RCAN2: variants seen among roughly 807,000 people sequenced by gnomAD.
The protein encoded by RCAN2 is regulator of calcineurin 2.
In RCAN2, 9 loss-of-function variants were observed where a neutral mutation model predicts 23.6. The ratio of observed to expected loss-of-function variants is 0.38; its 90% CI spans 0.23 to 0.67. RCAN2 has a LOEUF of 0.67. RCAN2 is among the 30% of genes least tolerant of loss of function. The pLI is 0.51. For missense variants in RCAN2, 273 were observed against 302.3 expected (o/e 0.90, Z 0.72); for synonymous variants, 109 against 115.7 (o/e 0.94, Z 0.37).
intron 1 of RCAN2, among the ~76,000 whole-genome samples, chr6:46,479,146 A>T (rs1257442405): frequency 6.6e-6 from 1 of 152,178 alleles, no homozygotes; most frequent in African/African-American, 2.4e-5. Context: ...GGCAGGCCAG[A>T]CCCCTGATGG....
chr6:46,293,905 A>C (rs1168925810), intron 2 of RCAN2, among the ~76,000 whole-genome samples: 1 of 152,212 alleles, frequency 6.6e-6, no homozygotes, highest in Non-Finnish European at 1.5e-5. Flanking sequence ...AAAATAGAGC[A>C]TGTTGCAAAA....
chr6:46,260,893 C>T (rs945298454), intron 2 of RCAN2, among the ~76,000 whole-genome samples: 1 of 152,214 alleles, frequency 6.6e-6, no homozygotes, highest in Non-Finnish European at 1.5e-5. Context: ...GAATACAGAT[C>T]TCTGTTACAT....
At chr6:46,343,108 A>C (rs1177892396) in intron 2 of RCAN2, among the ~76,000 whole-genome samples, 2 of 152,160 alleles carry the variant, frequency 1.3e-5, no homozygotes, top group Non-Finnish European at 2.9e-5. Flanking sequence ...ATAAACTCCT[A>C]AAATTCTAAA....
intron 2 of RCAN2, among the ~76,000 whole-genome samples, chr6:46,412,957 A>C (rs1441336483): frequency 2.0e-5 from 3 of 152,214 alleles, no homozygotes; most frequent in Non-Finnish European, 4.4e-5. Context: ...GGCAAGAATA[A>C]ATTATAAAAC....
At chr6:46,331,031 T>C (rs1763951419) in intron 2 of RCAN2, among the ~76,000 whole-genome samples, 1 of 152,198 alleles carries the variant, frequency 6.6e-6, no homozygotes, top group Admixed American at 6.5e-5. Context: ...CCTAGGTGCG[T>C]TCATTTATTA....
intron 2 of RCAN2, among the ~76,000 whole-genome samples, chr6:46,330,191 C>T (rs997095681): frequency 1.3e-5 from 2 of 152,208 alleles, no homozygotes; most frequent in Non-Finnish European, 2.9e-5. Flanking sequence ...CTGCTAGTCA[C>T]TCTCAGAGTG....
intron 2 of RCAN2, among the ~76,000 whole-genome samples, chr6:46,270,587 G>A (rs1767490297): frequency 6.6e-6 from 1 of 152,298 alleles, no homozygotes; most frequent in East Asian, 1.9e-4. Flanking sequence ...CCTTATGCAA[G>A]CCCCTCCCTT....
intron 2 of RCAN2, among the ~76,000 whole-genome samples, chr6:46,281,780 G>A (rs897841880): frequency 1.3e-5 from 2 of 152,206 alleles, no homozygotes; most frequent in South Asian, 2.1e-4. Flanking sequence ...GATATTATAA[G>A]GCCTGATCTT....
At chr6:46,255,542 G>C (rs58354795) in intron 2 of RCAN2, among the ~76,000 whole-genome samples, 3,014 of 152,274 alleles carry the variant, frequency 0.02, 105 homozygotes, top group East Asian at 0.17. Context: ...AAGGTTTTCA[G>C]TGTCAGATGC....
intron 1 of RCAN2, among the ~76,000 whole-genome samples, chr6:46,488,569 G>A (rs989947138): frequency 6.6e-6 from 1 of 152,176 alleles, no homozygotes; most frequent in Admixed American, 6.5e-5. Flanking sequence ...TCTCAGAAAT[G>A]AAGAGAAGTA....
At chr6:46,323,026 T>C (rs546790434) in intron 2 of RCAN2, among the ~76,000 whole-genome samples, 17 of 152,194 alleles carry the variant, frequency 1.1e-4, no homozygotes, top group Non-Finnish European at 2.5e-4. Context: ...CATTAGATGA[T>C]TAAATATCAA....
intron 4 of RCAN2, among the ~76,000 whole-genome samples, chr6:46,228,055 G>A (rs1361817968): frequency 1.3e-5 from 2 of 152,160 alleles, no homozygotes; most frequent in Non-Finnish European, 2.9e-5. Flanking sequence ...TCAGGAGCAG[G>A]TTGATCAGTT....
intron 2 of RCAN2, among the ~76,000 whole-genome samples, chr6:46,364,326 TA>T (rs1260127104): frequency 4.6e-5 from 7 of 152,126 alleles, no homozygotes; most frequent in African/African-American, 1.4e-4. Flanking sequence ...TGATGGTAGA[TA>T]AAAACCCAGA....
At chr6:46,275,934 G>A (rs187523816) in intron 2 of RCAN2, among the ~76,000 whole-genome samples, 10 of 152,318 alleles carry the variant, frequency 6.6e-5, no homozygotes, top group East Asian at 5.8e-4. Flanking sequence ...TGGGCTAGGC[G>A]TGGTGGCTCA....
chr6:46,324,987 C>A (rs1763743217), intron 2 of RCAN2, among the ~76,000 whole-genome samples: 1 of 152,226 alleles, frequency 6.6e-6, no homozygotes, highest in African/African-American at 2.4e-5. Flanking sequence ...AGGGTTATTG[C>A]CCCACTGTCA....
At position 46,390,019 on chromosome 6, in the gene RCAN2, C is replaced by CA. The variant is rs34443128; in HGVS notation, c.225+66732dup. On this transcript the variant is annotated intron_variant, in intron 2 of 4. Transcript: ENST00000371374. ...AACATATAGCATTATTATTCGAGACCAAAAAAAAAAAAAAAAATCAAACTC... is the reference window on the plus strand; with the variant it reads ...AACATATAGCATTATTATTCGAGACCAAAAAAAAAAAAAAAAAATCAAACTC... 4.3e-3 allele frequency among the ~76,000 whole-genome samples: 597 copies of CA among 137,714 alleles called. 4 individuals carry two copies. Among genetic ancestry groups the CA allele is most frequent in the African/African-American group, 0.01 (380 of 36,262 alleles). 90.3% of individuals were successfully genotyped at this position (137,714 alleles called of 152,430 possible).
At chr6:46,224,752 C>T (rs568250353) in intron 4 of RCAN2, among the ~76,000 whole-genome samples, 2 of 151,864 alleles carry the variant, frequency 1.3e-5, no homozygotes, top group Non-Finnish European at 2.9e-5. Context: ...CTTGGTAAGC[C>T]TTAATGGTGC....
intron 4 of RCAN2, among the ~76,000 whole-genome samples, chr6:46,226,283 C>T (rs973609707): frequency 5.9e-5 from 9 of 152,116 alleles, no homozygotes; most frequent in Non-Finnish European, 1.2e-4. Context: ...TTTTTTCGTT[C>T]CATATGAACT....
intron 2 of RCAN2, among the ~76,000 whole-genome samples, chr6:46,334,707 A>G (rs1183906435): frequency 6.6e-6 from 1 of 152,170 alleles, no homozygotes; most frequent in Non-Finnish European, 1.5e-5. Context: ...ACTCAGGGAC[A>G]GTGTTCATTC....
Sources: allele counts gnomAD v4.1 joint callset (sites outside exome capture counted in the v4.1 genomes callset), GRCh38; gene constraint gnomAD v4.1.1; transcripts MANE v1.5; gene names NCBI Gene and HGNC (gene_info 2026-07-23, HGNC 2026-07-21).